The following DPH6 variants were observed in gnomAD, a reference collection of about 807,000 sequenced individuals.
DPH6 encodes the protein diphthine--ammonia ligase.
DPH6 carries 33 observed loss-of-function variants against 38.2 expected under a neutral mutation model. That is an observed-to-expected ratio of 0.86 (90% CI 0.65 to 1.15). The LOEUF is 1.15. DPH6 is among the 50% of genes most tolerant of loss of function. DPH6 has a pLI of 0.00. For missense variants in DPH6, 325 were observed against 320.0 expected (o/e 1.02, Z -0.12); for synonymous variants, 108 against 103.0 (o/e 1.05, Z -0.30).
At chr15:35,513,864 A>C (rs1208169370) in intron 3 of DPH6, among the ~76,000 whole-genome samples, 1 of 152,036 alleles carries the variant, frequency 6.6e-6, no homozygotes, top group African/African-American at 2.4e-5. Context: ...TTATAAAGCA[A>C]TATTTTAGCT....
At chr15:35,176,710 A>G in the DPH6 span, among the ~76,000 whole-genome samples, 1 of 152,266 alleles carries the variant, frequency 6.6e-6, no homozygotes, top group East Asian at 1.9e-4. Context: ...ACCTCAGGTG[A>G]TCCGCCCGCC....
chr15:35,389,578 C>G (rs1325603046), intron 6 of DPH6, among the ~76,000 whole-genome samples: 1 of 152,212 alleles, frequency 6.6e-6, no homozygotes, highest in African/African-American at 2.4e-5. Flanking sequence ...TTGAATTGAT[C>G]TGTTTACCAT....
chr15:35,521,040 G>A (rs2054916272), intron 3 of DPH6: 1 of 985,030 alleles, frequency 1.0e-6, no homozygotes, highest in African/African-American at 1.7e-5. Flanking sequence ...GCTTTAGATG[G>A]TATGTAGATT....
the DPH6 span, among the ~76,000 whole-genome samples, chr15:35,199,217 T>C: frequency 6.6e-5 from 10 of 152,172 alleles, no homozygotes; most frequent in African/African-American, 2.4e-4. Context: ...CCAGCGAATT[T>C]GTTGTCTTCT....
At chr15:35,500,375 A>G (rs2054610762) in intron 3 of DPH6, among the ~76,000 whole-genome samples, 1 of 152,210 alleles carries the variant, frequency 6.6e-6, no homozygotes, top group African/African-American at 2.4e-5. Flanking sequence ...CAAGGAGCTC[A>G]ATATGATCCA....
intron 5 of DPH6, among the ~76,000 whole-genome samples, chr15:35,431,936 G>A (rs57158130): frequency 0.34 from 50,985 of 151,888 alleles, 10,074 homozygotes; most frequent in African/African-American, 0.56. Context: ...TACAGGCGCC[G>A]GCCACAACAC....
the DPH6 span, among the ~76,000 whole-genome samples, chr15:35,149,069 C>T: frequency 2.0e-5 from 3 of 151,994 alleles, no homozygotes; most frequent in African/African-American, 4.8e-5. Context: ...ACATCTCCAT[C>T]CCCCTTCTCT....
chr15:35,544,490 T>C (rs1024048526), intron 1 of DPH6, among the ~76,000 whole-genome samples: 1 of 151,930 alleles, frequency 6.6e-6, no homozygotes, highest in Non-Finnish European at 1.5e-5. Flanking sequence ...AACCCAGAAC[T>C]TAAAGTATAA....
chr15:35,423,619 G>A (rs1160490892), intron 5 of DPH6, among the ~76,000 whole-genome samples: 4 of 151,430 alleles, frequency 2.6e-5, no homozygotes, highest in African/African-American at 9.7e-5. Context: ...TCATTGTCCA[G>A]TCCAATGACA....
At chr15:35,250,309 A>G (rs972418979) in intron 3 of DPH6, among the ~76,000 whole-genome samples, 6 of 152,192 alleles carry the variant, frequency 3.9e-5, no homozygotes, top group Admixed American at 1.3e-4. Flanking sequence ...GGCCATGACA[A>G]TAAGGAGTCC....
chr15:35,480,790 C>T (rs1266281435), intron 3 of DPH6, among the ~76,000 whole-genome samples: 2 of 151,880 alleles, frequency 1.3e-5, no homozygotes, highest in Non-Finnish European at 2.9e-5. Context: ...CTCATATAAA[C>T]TTATTTTGGG....
chr15:35,394,057 A>T (rs2140964227), intron 6 of DPH6, among the ~76,000 whole-genome samples: 1 of 152,222 alleles, frequency 6.6e-6, no homozygotes, highest in South Asian at 2.1e-4. Context: ...TTTCTAAGTT[A>T]TTGTTACGCT....
At chr15:35,191,624 A>T in the DPH6 span, among the ~76,000 whole-genome samples, 1 of 152,224 alleles carries the variant, frequency 6.6e-6, no homozygotes, top group Non-Finnish European at 1.5e-5. Flanking sequence ...GATTAAAACC[A>T]ATGCAATTGT....
At chr15:35,210,914 A>G in the DPH6 span, among the ~76,000 whole-genome samples, 1 of 143,106 alleles carries the variant, frequency 7.0e-6, no homozygotes, top group Non-Finnish European at 1.5e-5. Context: ...AATGCCATGG[A>G]ATTTTTGGCT....
At chr15:35,145,345 T>C in the DPH6 span, among the ~76,000 whole-genome samples, 43 of 152,368 alleles carry the variant, frequency 2.8e-4, no homozygotes, top group African/African-American at 1.0e-3. Context: ...TTTTTTACTT[T>C]CCTAGTGTCC....
At chr15:35,372,724 C>A (rs1376207485) in intron 8 of DPH6, among the ~76,000 whole-genome samples, 1 of 151,856 alleles carries the variant, frequency 6.6e-6, no homozygotes, top group African/African-American at 2.4e-5. Context: ...TTTGGCATTA[C>A]CACTCTTTTC....
chr15:35,358,264 G>T (rs2052584790), intron 3 of DPH6, among the ~76,000 whole-genome samples: 1 of 151,700 alleles, frequency 6.6e-6, no homozygotes, highest in Non-Finnish European at 1.5e-5. Flanking sequence ...CTATTTCCTT[G>T]AATATTTCTC....
intron 7 of DPH6, among the ~76,000 whole-genome samples, chr15:35,378,883 T>C (rs920824556): frequency 3.3e-5 from 5 of 152,070 alleles, no homozygotes; most frequent in African/African-American, 9.7e-5. Flanking sequence ...AGGTTATGGG[T>C]TGATGGTTGC....
chr15:35,424,488 T>C (rs562169720), intron 5 of DPH6, among the ~76,000 whole-genome samples: 3 of 151,664 alleles, frequency 2.0e-5, no homozygotes, highest in Admixed American at 2.0e-4. Context: ...ATATGTATGA[T>C]ATTATCTGTA....
Sources: allele counts gnomAD v4.1 joint callset (sites outside exome capture counted in the v4.1 genomes callset), GRCh38; gene constraint gnomAD v4.1.1; transcripts MANE v1.5; gene names NCBI Gene and HGNC (gene_info 2026-07-23, HGNC 2026-07-21).